Variants in VPS13B observed in about 807,000 individuals in gnomAD.
VPS13B encodes intermembrane lipid transfer protein VPS13B.
In VPS13B, 285 loss-of-function variants were observed where a neutral mutation model predicts 426.4. The observed-to-expected ratio is 0.67, with a 90% CI of 0.61 to 0.74. The LOEUF is 0.74. Among genes scored for constraint, VPS13B ranks in the 30% least tolerant of loss-of-function variants. The pLI, the probability that VPS13B is intolerant of heterozygous loss-of-function variation, is 0.00. For missense variants in VPS13B, 4,537 were observed against 4,782.6 expected, an observed-to-expected ratio of 0.95 and a Z score of 1.51; for synonymous variants, 1,676 against 1,676.4, an observed-to-expected ratio of 1.00 and a Z score of 0.01.
At chr8:99,399,140 T>C (rs1213508420) in intron 21 of VPS13B, among the ~76,000 whole-genome samples, 2 of 152,126 alleles carry the variant, frequency 1.3e-5, no homozygotes, top group African/African-American at 4.8e-5. Flanking sequence ...ATAAAGTCTA[T>C]CTAATGAAGT....
At chr8:99,190,022 T>G (rs1044671191) in intron 16 of VPS13B, among the ~76,000 whole-genome samples, 5 of 152,182 alleles carry the variant, frequency 3.3e-5, no homozygotes, top group African/African-American at 1.2e-4. Context: ...TATCAATTCC[T>G]GAGAGAGGAG....
chr8:99,202,857 G>A (rs550656361), intron 17 of VPS13B, among the ~76,000 whole-genome samples: 5 of 151,704 alleles, frequency 3.3e-5, no homozygotes, highest in African/African-American at 1.2e-4. Flanking sequence ...GTGAAACCCT[G>A]TCTCTACTAA....
chr8:99,819,970 A>G lies in VPS13B; in HGVS notation c.8842A>G (p.Ile2948Val), dbSNP rs145265055. 47 of 1,613,952 alleles carry G rather than the reference A, an allele frequency of 2.9e-5. No individual in the cohort carries two copies. Among genetic ancestry groups the G allele is most frequent in the Middle Eastern group, 1.6e-4 (1 of 6,082 alleles). Residue 2948 changes from isoleucine to valine, a missense_variant, in exon 49 of 62, where the codon ATC (isoleucine) becomes GTC (valine). Physicochemically the swap from Ile to Val is conservative, Grantham distance 29 (BLOSUM62 3). Around this residue, in one of 2 missense-constraint regions of VPS13B, gnomAD observed 4,311 missense variants for 4,474.3 expected, o/e 0.96. Coordinates refer to ENST00000357162, the MANE Select transcript of VPS13B (RefSeq NM_152564.5). The stretch of plus-strand genomic sequence containing the variant: ...TAGCCCAATGCGAGTGAAGCTGTCA[A>G]TCTGGAAGCCATATGTTAGAACTTT... ...WDSPMRVKLS[I>V]WKPYVRTLLI... is the part of the protein sequence containing the mutation.
intron 35 of VPS13B, among the ~76,000 whole-genome samples, chr8:99,676,662 G>A (rs535135353): frequency 1.1e-4 from 16 of 151,572 alleles, no homozygotes; most frequent in Non-Finnish European, 2.1e-4. Flanking sequence ...TACTGTGATC[G>A]CTCACCTCAT....
At chr8:99,855,837 A>G (rs1273356425) in intron 56 of VPS13B, among the ~76,000 whole-genome samples, 1 of 152,260 alleles carries the variant, frequency 6.6e-6, no homozygotes, top group Non-Finnish European at 1.5e-5. Context: ...ACAACAATGA[A>G]GAAAACATTT....
At chr8:99,126,498 A>G (rs940607280) in intron 8 of VPS13B, among the ~76,000 whole-genome samples, 5 of 152,200 alleles carry the variant, frequency 3.3e-5, no homozygotes, top group African/African-American at 4.8e-5. Context: ...GACAAGATCA[A>G]TGCAGAAGAG....
intron 5 of VPS13B, among the ~76,000 whole-genome samples, chr8:99,105,995 TG>T (rs1322857926): frequency 6.6e-5 from 10 of 152,190 alleles, no homozygotes; most frequent in African/African-American, 2.4e-4. Context: ...CCAGGGCTAG[TG>T]TTACATATTT....
intron 36 of VPS13B, among the ~76,000 whole-genome samples, chr8:99,709,530 C>T (rs1368913804): frequency 6.6e-6 from 1 of 152,152 alleles, no homozygotes; most frequent in Admixed American, 6.5e-5. Context: ...TTCTGTTTAT[C>T]GTACCAGTTG....
At chr8:99,436,742 CTTATT>C (rs1011143627) in intron 22 of VPS13B, among the ~76,000 whole-genome samples, 2 of 151,752 alleles carry the variant, frequency 1.3e-5, no homozygotes, top group African/African-American at 4.8e-5. Context: ...TTTATTTTAT[CTTATT>C]TTATTTTTTT....
chr8:99,592,482 G>A (rs759585801), intron 33 of VPS13B, among the ~76,000 whole-genome samples: 8 of 151,948 alleles, frequency 5.3e-5, no homozygotes, highest in African/African-American at 1.4e-4. Context: ...TGATGCTGGC[G>A]ACCTACAGAT....
At chr8:99,102,285 G>GT (rs917121447) in intron 4 of VPS13B, among the ~76,000 whole-genome samples, 9 of 151,654 alleles carry the variant, frequency 5.9e-5, no homozygotes, top group Non-Finnish European at 1.0e-4. Flanking sequence ...CCATACTTTT[G>GT]TTTTTTCATT....
chr8:99,573,381 A>T (rs148392454), intron 31 of VPS13B, among the ~76,000 whole-genome samples: 1,642 of 152,316 alleles, frequency 0.011, 30 homozygotes, highest in African/African-American at 0.038. Flanking sequence ...GCCCATGCCT[A>T]TGTCCTGAAA....
intron 44 of VPS13B, among the ~76,000 whole-genome samples, chr8:99,810,334 A>G (rs1327182815): frequency 1.3e-5 from 2 of 152,228 alleles, no homozygotes; most frequent in African/African-American, 4.8e-5. Flanking sequence ...CTGGATTGTA[A>G]CAGTCTACCC....
Position 99,476,172 on chromosome 8 carries a change from G to A in VPS13B, c.3667-5427G>A, listed in dbSNP as rs550820197. The stretch of plus-strand genomic sequence containing the variant: ...TTGGTATGAACATCCCTGGTGAAAT[G>A]TAGCAACATTCCTGAAGAGATGTGA... On this transcript the variant is annotated intron_variant, in intron 24 of 61. Coordinates refer to ENST00000357162, the MANE Select transcript of VPS13B (RefSeq NM_152564.5). Among the ~76,000 whole-genome samples the A allele has an allele frequency of 2.0e-4, 30 of 152,334 alleles. 1 individual carries two copies. Among genetic ancestry groups the A allele is most frequent in the East Asian group, 1.9e-3 (10 of 5,188 alleles).
In VPS13B at chr8:99,661,432, A is replaced by G; in HGVS notation, c.5987A>G (p.Lys1996Arg). ...ACAGTGCCTGGAGAAATAGACAGCAAAAGTGGTATTCCACCTTCCTTTATA... is the reference window on the plus strand; with the variant it reads ...ACAGTGCCTGGAGAAATAGACAGCAGAAGTGGTATTCCACCTTCCTTTATA... ...LQTVPGEIDS[K>R]SGIPPSFITL... The change falls in exon 35 of 62, where the codon AAA becomes AGA. Residue 1996 changes from lysine to arginine, a missense_variant. Physicochemically the swap from Lys to Arg is conservative, Grantham distance 26. This residue lies in a region of VPS13B where 4,311 missense variants were observed against 4,474.3 expected (regional missense o/e 0.96). Coordinates refer to ENST00000357162, the MANE Select transcript of VPS13B (RefSeq NM_152564.5). The G allele has an allele frequency of 6.2e-7, 1 of 1,613,794 alleles. No homozygotes were observed. Among genetic ancestry groups the G allele is most frequent in the Non-Finnish European group, 8.5e-7 (1 of 1,179,864 alleles).
At chr8:99,503,053 C>T in intron 27 of VPS13B, 103 bp downstream of exon 27, 1 of 830,378 alleles carries the variant, frequency 1.2e-6, no homozygotes, top group Non-Finnish European at 2.0e-6. Flanking sequence ...AAAATAAATA[C>T]TATACAGGCA....
chr8:99,733,822 G>A (rs2130424873), intron 39 of VPS13B, among the ~76,000 whole-genome samples: 1 of 152,220 alleles, frequency 6.6e-6, no homozygotes, highest in Middle Eastern at 3.4e-3. Flanking sequence ...AAAGGTCTTG[G>A]TTCTCTTATG....
At chr8:99,718,762 G>T (rs542514469) in intron 37 of VPS13B, among the ~76,000 whole-genome samples, 8 of 151,514 alleles carry the variant, frequency 5.3e-5, no homozygotes, top group African/African-American at 1.9e-4. Context: ...AGCCTCCTGG[G>T]CTCAAGAGAT....
In VPS13B at chr8:99,241,049, G is replaced by A. The variant is rs565330911; in HGVS notation, c.2516-33149G>A. ...CTGCAAATAAGGAAGTTTCTGTTTT[G>A]AAGTCCATATGTGTGTGTGCTTGAG... On this transcript the variant is annotated intron_variant, in intron 17 of 61. Coordinates refer to ENST00000357162, the MANE Select transcript of VPS13B (RefSeq NM_152564.5). 5.3e-5 allele frequency: 8 copies of A among 152,356 alleles called. No homozygotes were observed. In the South Asian group the frequency reaches 1.7e-3, roughly 32 times the overall value. 9.4% of individuals were successfully genotyped at this position (152,356 alleles called of 1,614,324 possible).
Sources: gnomAD v4.1 joint callset for allele counts (sites outside exome capture counted in the v4.1 genomes callset) on GRCh38, gnomAD v4.1.1 for gene constraint, gnomAD v4.1.1 regional missense constraint, MANE v1.5 for transcripts, NCBI Gene and HGNC (gene_info 2026-07-23, HGNC 2026-07-21) for gene names.